The following ZNF365 variants were observed in gnomAD, a reference collection of about 807,000 sequenced individuals.
The protein encoded by ZNF365 is zinc finger protein 365.
ZNF365 carries 22 observed loss-of-function variants against 35.0 expected under a neutral mutation model. The ratio of observed to expected loss-of-function variants is 0.63; its 90% CI spans 0.45 to 0.90. The LOEUF is 0.90. Ranked by LOEUF, ZNF365 falls within the 40% of genes least tolerant of loss-of-function variation. ZNF365 has a pLI of 0.00. For synonymous variants in ZNF365, 188 were observed against 196.2 expected (o/e 0.96, Z 0.35); for missense variants, 448 against 500.3 (o/e 0.90, Z 1.00).
intron 3 of ZNF365, among the ~76,000 whole-genome samples, chr10:62,435,568 C>T (rs1237987795): frequency 6.6e-6 from 1 of 152,112 alleles, no homozygotes; most frequent in Non-Finnish European, 1.5e-5. Flanking sequence ...AGCAAGATAC[C>T]ATAGACTTTT....
At chr10:62,405,629 C>T (rs945518925), downstream of ZNF365, among the ~76,000 whole-genome samples, 11 of 152,186 alleles carry the variant, frequency 7.2e-5, no homozygotes, top group African/African-American at 2.2e-4. Context: ...GAGTTATAGA[C>T]GTTGCCACTC....
chr10:62,397,748 A>G (rs1564573445), intron 3 of ZNF365, among the ~76,000 whole-genome samples: 1 of 152,200 alleles, frequency 6.6e-6, no homozygotes, highest in Admixed American at 6.5e-5. Flanking sequence ...TTTAGGAATG[A>G]TGTATTATAG....
intron 4 of ZNF365, among the ~76,000 whole-genome samples, chr10:62,472,015 T>C (rs1156472035): frequency 6.6e-6 from 1 of 152,258 alleles, no homozygotes; most frequent in African/African-American, 2.4e-5. Flanking sequence ...CTGCCTTTTC[T>C]GATGGTGTAG....
At chr10:62,429,800 G>C (rs976469544) in intron 3 of ZNF365, among the ~76,000 whole-genome samples, 1 of 152,164 alleles carries the variant, frequency 6.6e-6, no homozygotes, top group East Asian at 1.9e-4. Flanking sequence ...ACTGAAGCTA[G>C]ATGTTTTGCC....
intron 4 of ZNF365, among the ~76,000 whole-genome samples, chr10:62,466,805 C>A (rs770201026): frequency 6.6e-6 from 1 of 151,862 alleles, no homozygotes; most frequent in Non-Finnish European, 1.5e-5. Context: ...CTGGCTGAGA[C>A]TGTTTTTATT....
At chr10:62,479,749 T>C (rs1307617188) in intron 4 of ZNF365, 2 of 686,218 alleles carry the variant, frequency 2.9e-6, no homozygotes, top group Non-Finnish European at 5.2e-6. Flanking sequence ...AGCACATAAG[T>C]GAAGAGTTGC....
intron 3 of ZNF365, among the ~76,000 whole-genome samples, chr10:62,408,139 T>A (rs555197646): frequency 3.9e-4 from 59 of 152,146 alleles, no homozygotes; most frequent in Non-Finnish European, 7.8e-4. Context: ...GTGGGTCCAG[T>A]TTCCTCATCT....
chr10:62,407,011 G>T (rs1423766483), downstream of ZNF365, among the ~76,000 whole-genome samples: 1 of 152,196 alleles, frequency 6.6e-6, no homozygotes, highest in African/African-American at 2.4e-5. Context: ...GCTCCAGGAA[G>T]AGAAAAACTA....
intron 4 of ZNF365, among the ~76,000 whole-genome samples, chr10:62,471,002 T>A (rs902429253): frequency 2.0e-5 from 3 of 149,616 alleles, no homozygotes; most frequent in Non-Finnish European, 4.4e-5. Context: ...TTTTTTTTTT[T>A]ACTTTAAAAA....
chr10:62,459,686 T>C, intron 3 of ZNF365: 4 of 1,549,294 alleles, frequency 2.6e-6, no homozygotes, highest in South Asian at 1.2e-5. Flanking sequence ...CTGTGACTTA[T>C]TCAGTCTACA....
At chr10:62,444,950 A>G (rs1840561709) in intron 3 of ZNF365, among the ~76,000 whole-genome samples, 1 of 143,814 alleles carries the variant, frequency 7.0e-6, no homozygotes, top group African/African-American at 2.6e-5. Context: ...AACAGTCCCC[A>G]GAGTGTGATG....
At position 62,440,172 on chromosome 10, in the gene ZNF365, T is replaced by TTTTATTTATTTATTTA. The variant is rs148188582; in HGVS notation, c.925-19553_925-19538dup. ...AATTATAAGCTTTATGAATGCATAG[T>TTTTATTTATTTATTTA]TTTATTTATTTATTTATTTATTTAT... On this transcript the variant is annotated intron_variant, in intron 3 of 4. Transcript: ENST00000395255. Among the ~76,000 whole-genome samples the TTTTATTTATTTATTTA allele has an allele frequency of 3.2e-3, 478 of 150,740 alleles. 1 individual carries two copies. The highest frequency in any genetic ancestry group is 5.7e-3 in the African/African-American group (234 of 41,180).
rs866093564 is a variant in ZNF365, at chr10:62,466,483, C to T, written c.981+6686C>T. Among the ~76,000 whole-genome samples the T allele has an allele frequency of 1.1e-4, 17 of 152,254 alleles. No individual in the cohort carries two copies. In the Middle Eastern group the frequency reaches 0.01, roughly 91 times the overall value. ...AAGTATGGGATCTGGGCCAGTAGCA[C>T]GGGCCGAGCACAGCCTGCTGGGCTG... On this transcript the variant is annotated intron_variant, in intron 4 of 4. Coordinates refer to the ZNF365 transcript ENST00000395255.
At chr10:62,403,025 A>G (rs764054197), downstream of ZNF365, among the ~76,000 whole-genome samples, 4 of 152,166 alleles carry the variant, frequency 2.6e-5, no homozygotes, top group Non-Finnish European at 5.9e-5. Flanking sequence ...AGGGTTAGGG[A>G]CATCGACTCC....
intron 3 of ZNF365, among the ~76,000 whole-genome samples, chr10:62,434,785 C>T (rs1170749814): frequency 1.3e-5 from 2 of 152,208 alleles, no homozygotes; most frequent in Non-Finnish European, 2.9e-5. Context: ...AATCTCTTCT[C>T]ACAAAGTCAT....
intron 4 of ZNF365, among the ~76,000 whole-genome samples, chr10:62,461,217 C>T (rs1024988504): frequency 6.6e-6 from 1 of 152,168 alleles, no homozygotes; most frequent in African/African-American, 2.4e-5. Context: ...AGATGGGATT[C>T]TTTAAAGGGC....
Position 62,428,028 on chromosome 10 carries a change from G to A in ZNF365, c.925-31713G>A, listed in dbSNP as rs138133346. On this transcript the variant is annotated intron_variant, in intron 3 of 4. Transcript: ENST00000395255. Reference sequence around the variant, plus strand: ...GCGTAGGAACTTTGTAGCCTCAACCGCAGGTTTAGTTAGAGAACCAGTTTT... The same window carrying A: ...GCGTAGGAACTTTGTAGCCTCAACCACAGGTTTAGTTAGAGAACCAGTTTT... Among the ~76,000 whole-genome samples, 402 of 152,238 alleles carry A rather than the reference G, an allele frequency of 2.6e-3. 1 individual carries two copies. The highest frequency in any genetic ancestry group is 8.2e-3 in the African/African-American group (342 of 41,542).
chr10:62,462,488 C>T (rs897645706), intron 4 of ZNF365, among the ~76,000 whole-genome samples: 2 of 152,166 alleles, frequency 1.3e-5, no homozygotes, highest in Non-Finnish European at 2.9e-5. Flanking sequence ...TTCTCACCTC[C>T]TAGAGATCCC....
At chr10:62,454,912 T>C (rs1357257266) in intron 3 of ZNF365, among the ~76,000 whole-genome samples, 1 of 152,090 alleles carries the variant, frequency 6.6e-6, no homozygotes, top group African/African-American at 2.4e-5. Context: ...GAGCTCTGCT[T>C]TTGGAGATTA....
Sources: allele counts gnomAD v4.1 joint callset (sites outside exome capture counted in the v4.1 genomes callset), GRCh38; gene constraint gnomAD v4.1.1; transcripts MANE v1.5; gene names NCBI Gene and HGNC (gene_info 2026-07-23, HGNC 2026-07-21).